PARP8: variants seen among roughly 807,000 people sequenced by gnomAD.
PARP8 encodes poly(ADP-ribose) polymerase family member 8.
In PARP8, 51 loss-of-function variants were observed where a neutral mutation model predicts 124.1. That is an observed-to-expected ratio of 0.41 (90% CI 0.33 to 0.52). PARP8 has a LOEUF of 0.52. PARP8 is among the 20% of genes least tolerant of loss of function. PARP8 has a pLI of 0.21. For missense variants in PARP8, 860 were observed against 1,018.9 expected, an observed-to-expected ratio of 0.84 and a Z score of 2.12; for synonymous variants, 391 against 361.5, an observed-to-expected ratio of 1.08 and a Z score of -0.93.
chr5:50,691,040 C>A (rs1374532126), intron 2 of PARP8, among the ~76,000 whole-genome samples: 2 of 152,192 alleles, frequency 1.3e-5, no homozygotes, highest in African/African-American at 4.8e-5. Context: ...ATGTCCTCAT[C>A]ATCGTTTCTT....
chr5:50,785,147 G>A (rs1003774260), intron 9 of PARP8, among the ~76,000 whole-genome samples: 2 of 151,926 alleles, frequency 1.3e-5, no homozygotes, highest in African/African-American at 4.8e-5. Context: ...TGAACTCTTA[G>A]TATATTCCAA....
intron 18 of PARP8, among the ~76,000 whole-genome samples, chr5:50,825,833 A>G (rs1359864950): frequency 6.6e-6 from 1 of 152,184 alleles, no homozygotes; most frequent in African/African-American, 2.4e-5. Flanking sequence ...GGCAGATGCA[A>G]AAGAATCTGG....
intron 21 of PARP8, among the ~76,000 whole-genome samples, chr5:50,829,588 G>A (rs1397729141): frequency 5.3e-5 from 8 of 151,906 alleles, no homozygotes; most frequent in Non-Finnish European, 7.4e-5. Context: ...TGTGTCTTTC[G>A]GACCAAGTTT....
intron 3 of PARP8, among the ~76,000 whole-genome samples, chr5:50,754,649 T>C (rs1386426142): frequency 1.3e-5 from 2 of 152,222 alleles, no homozygotes; most frequent in African/African-American, 2.4e-5. Flanking sequence ...AACGTACGTA[T>C]GCATGTGTCT....
intron 3 of PARP8, among the ~76,000 whole-genome samples, chr5:50,750,954 C>T (rs1283554522): frequency 6.6e-6 from 1 of 151,934 alleles, no homozygotes; most frequent in African/African-American, 2.4e-5. Context: ...TGCAGTCAGC[C>T]CTGTCTGATA....
At chr5:50,752,238 A>G (rs1270047362) in intron 3 of PARP8, among the ~76,000 whole-genome samples, 7 of 152,090 alleles carry the variant, frequency 4.6e-5, no homozygotes, top group South Asian at 4.1e-4. Flanking sequence ...AAATAACTCA[A>G]TGTTGAGCTA....
At chr5:50,739,063 G>A (rs1757760177) in intron 2 of PARP8, 2 of 702,380 alleles carry the variant, frequency 2.8e-6, no homozygotes, top group Non-Finnish European at 2.6e-6. Context: ...TTCACATCTA[G>A]GAGGAGCAAG....
At chr5:50,825,775 C>G (rs934360227) in intron 18 of PARP8, among the ~76,000 whole-genome samples, 1 of 152,084 alleles carries the variant, frequency 6.6e-6, no homozygotes, top group African/African-American at 2.4e-5. Flanking sequence ...TGAATGAGCA[C>G]TTATACCATG....
intron 2 of PARP8, among the ~76,000 whole-genome samples, chr5:50,737,724 G>A (rs893765784): frequency 5.3e-5 from 8 of 152,064 alleles, no homozygotes; most frequent in Non-Finnish European, 7.4e-5. Flanking sequence ...GCTTAGTTTG[G>A]ACATACATTC....
chr5:50,680,641 A>C (rs946400227), intron 2 of PARP8, among the ~76,000 whole-genome samples: 1 of 152,186 alleles, frequency 6.6e-6, no homozygotes, highest in Non-Finnish European at 1.5e-5. Context: ...ACATTCCATA[A>C]ATAAAAACAT....
At chr5:50,816,836 A>G (rs1745158765) in intron 15 of PARP8, among the ~76,000 whole-genome samples, 2 of 152,020 alleles carry the variant, frequency 1.3e-5, no homozygotes, top group Non-Finnish European at 2.9e-5. Flanking sequence ...TTTCTTTTCC[A>G]TCCTTCTTTT....
chr5:50,834,324 C>T (rs1300052511), intron 24 of PARP8, among the ~76,000 whole-genome samples: 1 of 152,070 alleles, frequency 6.6e-6, no homozygotes, highest in African/African-American at 2.4e-5. Flanking sequence ...TAATGCTTAT[C>T]TCTTTAGTTA....
At chr5:50,798,344 C>G (rs1742789178) in intron 14 of PARP8, among the ~76,000 whole-genome samples, 1 of 152,104 alleles carries the variant, frequency 6.6e-6, no homozygotes, top group South Asian at 2.1e-4. Flanking sequence ...TACATCTTCC[C>G]CACGTATTAT....
At chr5:50,698,828 T>C (rs1753296718) in intron 2 of PARP8, among the ~76,000 whole-genome samples, 1 of 152,210 alleles carries the variant, frequency 6.6e-6, no homozygotes. Context: ...TAATAAACTA[T>C]GCCAGCCAAA....
rs1440724739 is a variant in PARP8, at chr5:50,843,805, G to A, written c.*1737G>A. 6.6e-6 allele frequency: 1 copy of A among 151,742 alleles called. No homozygotes were observed. Among genetic ancestry groups the A allele is most frequent in the Non-Finnish European group, 1.5e-5 (1 of 67,798 alleles). The allele number at this position is 151,742 out of a possible 1,614,324, so 9.4% of individuals were successfully genotyped here. A position where few individuals can be genotyped will look rare whatever the true frequency, so the allele number is the denominator to read the frequency against. On this transcript the variant is annotated 3_prime_UTR_variant, in exon 26 of 26. Coordinates refer to ENST00000281631, the MANE Select transcript of PARP8 (RefSeq NM_024615.4). The stretch of plus-strand genomic sequence containing the variant: ...GCAAGTCTCCCAAATCACTTCAACT[G>A]TGTTTTTAAAACATGTTTAAGCAAC...
At chr5:50,837,330 T>C (rs1178972850) in intron 25 of PARP8, among the ~76,000 whole-genome samples, 1 of 152,174 alleles carries the variant, frequency 6.6e-6, no homozygotes, top group African/African-American at 2.4e-5. Context: ...ATCTGTTTCA[T>C]TAATATGCAT....
intron 6 of PARP8, 47 bp from the exon 7 acceptor site, chr5:50,763,101 G>T (rs765694936): frequency 3.4e-6 from 5 of 1,471,840 alleles, no homozygotes; most frequent in South Asian, 2.3e-5. Context: ...TTAAGTTTTT[G>T]ATTCTGTTCA....
At chr5:50,723,768 A>C (rs1372853675) in intron 2 of PARP8, among the ~76,000 whole-genome samples, 1 of 152,104 alleles carries the variant, frequency 6.6e-6, no homozygotes, top group Admixed American at 6.6e-5. Context: ...CAGGCTTTTT[A>C]CTATTCTTTA....
chr5:50,756,362 A>T (rs1300862772), intron 3 of PARP8, among the ~76,000 whole-genome samples: 1 of 152,046 alleles, frequency 6.6e-6, no homozygotes, highest in Non-Finnish European at 1.5e-5. Context: ...TCCCATTCTT[A>T]TTCTATTACT....
Sources: allele counts gnomAD v4.1 joint callset (sites outside exome capture counted in the v4.1 genomes callset), GRCh38; gene constraint gnomAD v4.1.1; transcripts MANE v1.5; gene names NCBI Gene and HGNC (gene_info 2026-07-23, HGNC 2026-07-21).